YTHDC2: variants seen among roughly 807,000 people sequenced by gnomAD.
YTHDC2 encodes 3'-5' RNA helicase YTHDC2.
A neutral mutation model predicts 174.9 loss-of-function variants in YTHDC2; 45 were observed. The observed-to-expected ratio is 0.26, with a 90% confidence interval of 0.20 to 0.33. The LOEUF (loss-of-function observed/expected upper bound fraction) is 0.33. Among genes scored for constraint, YTHDC2 ranks in the 10% least tolerant of loss-of-function variants. The pLI, the probability that YTHDC2 is intolerant of heterozygous loss-of-function variation, is 1.00. For missense variants in YTHDC2, 1,650 were observed against 1,723.7 expected (o/e 0.96, Z 0.76); for synonymous variants, 657 against 574.5 (o/e 1.14, Z -2.05).
chr5:113,578,873 T>C (rs537834703), intron 23 of YTHDC2, among the ~76,000 whole-genome samples: 2 of 152,296 alleles, frequency 1.3e-5, no homozygotes, highest in South Asian at 2.1e-4. Flanking sequence ...AATTTTCGTG[T>C]AGAAAATAAT....
chr5:113,539,484 C>T (rs1775303558), intron 8 of YTHDC2, among the ~76,000 whole-genome samples: 1 of 152,118 alleles, frequency 6.6e-6, no homozygotes, highest in African/African-American at 2.4e-5. Context: ...CACAGCATAT[C>T]TCATAGGGAA....
At chr5:113,562,713 C>T (rs141341181) in intron 18 of YTHDC2, among the ~76,000 whole-genome samples, 43 of 152,216 alleles carry the variant, frequency 2.8e-4, no homozygotes, top group African/African-American at 1.0e-3. Flanking sequence ...TATATAGTTA[C>T]TCCTACTCAA....
chr5:113,524,903 T>C, intron 2 of YTHDC2, 78 bp from the exon 3 acceptor site: 1 of 1,072,306 alleles, frequency 9.3e-7, no homozygotes, highest in Middle Eastern at 3.1e-4. Flanking sequence ...GCTTGAGACA[T>C]ATTTTCTAAG....
At chr5:113,545,619 C>G (rs1449026028) in intron 10 of YTHDC2, among the ~76,000 whole-genome samples, 1 of 151,926 alleles carries the variant, frequency 6.6e-6, no homozygotes, top group African/African-American at 2.4e-5. Context: ...CTTTGAACTT[C>G]TGGGCTCAAG....
intron 10 of YTHDC2, among the ~76,000 whole-genome samples, chr5:113,547,962 T>C (rs569287540): frequency 6.6e-5 from 10 of 152,288 alleles, no homozygotes; most frequent in Non-Finnish European, 8.8e-5. Context: ...GAAACTTCAA[T>C]AGAACTTTAA....
Position 113,534,320 on chromosome 5 carries a change from A to G in YTHDC2, c.858A>G (p.Thr286=). ...IRLESRVSPK[T]LLTFCTNGVL... ...TTTTTAAAAGGGTTTCTCCAAAGAC[A>G]CTTCTGACATTTTGTACTAATGGGG... Residue 286 remains threonine (T), a synonymous_variant, in exon 6 of 30, where the codon ACA becomes ACG. Transcript: ENST00000161863. 1 of 1,612,386 alleles carries G rather than the reference A, an allele frequency of 6.2e-7. No individual in the cohort carries two copies.
intron 23 of YTHDC2, among the ~76,000 whole-genome samples, chr5:113,579,360 T>C (rs560805730): frequency 1.3e-5 from 2 of 152,280 alleles, no homozygotes; most frequent in Admixed American, 6.5e-5. Flanking sequence ...TCTTTTTTAT[T>C]TTGTTGCATT....
At chr5:113,516,287 C>A (rs940410954) in intron 2 of YTHDC2, among the ~76,000 whole-genome samples, 1 of 152,064 alleles carries the variant, frequency 6.6e-6, no homozygotes. Flanking sequence ...TGTTTTCTTT[C>A]CTACCAAGTC....
At chr5:113,566,991 A>T (rs1210829172) in intron 21 of YTHDC2, 101 bp from the exon 22 acceptor site, 3 of 1,283,292 alleles carry the variant, frequency 2.3e-6, no homozygotes, top group Non-Finnish European at 3.2e-6. Flanking sequence ...GTGAAATTTG[A>T]ATATCACAAA....
At position 113,592,128 on chromosome 5, in the gene YTHDC2, C is replaced by T. The variant is rs778545902; in HGVS notation, c.4162C>T (p.Leu1388Phe). Residue 1388 changes from leucine (L) to phenylalanine (F), a missense_variant, in exon 28 of 30, where the codon CTC (leucine) becomes TTC (phenylalanine). Physicochemically the swap from Leu to Phe is conservative, Grantham distance 22. This residue lies in a region of YTHDC2 where 913 missense variants were observed against 940.4 expected (regional missense o/e 0.97). Coordinates refer to ENST00000161863, the MANE Select transcript of YTHDC2 (RefSeq NM_022828.5). ...TCCCTTTCAATTTGCACACCATTTA[C>T]TCAATCCATGGAATGACAACAAGAA... ...SLPFQFAHHLLNPWNDNKKVQ... is the reference protein window; with the variant it reads ...SLPFQFAHHLFNPWNDNKKVQ... 6.2e-7 allele frequency: 1 copy of T among 1,613,020 alleles called. No homozygotes were observed. Among genetic ancestry groups the T allele is most frequent in the Admixed American group, 1.7e-5 (1 of 59,886 alleles).
chr5:113,534,492 A>G, intron 6 of YTHDC2, 85 bp downstream of exon 6: 2 of 1,166,182 alleles, frequency 1.7e-6, no homozygotes, highest in Non-Finnish European at 2.5e-6. Flanking sequence ...GTCTCAAAAA[A>G]TTTAAATACA....
In YTHDC2 at chr5:113,515,282, T is replaced by G; in HGVS notation, c.198T>G (p.Phe66Leu). Reference sequence around the variant, plus strand: ...TTTTTTTCCGTGTAGAAATGGAATTTCCTTCTTCTTTGACCAGTACTGAAA... The same window carrying G: ...TTTTTTTCCGTGTAGAAATGGAATTGCCTTCTTCTTTGACCAGTACTGAAA... ...FRYGDQREME[F>L]PSSLTSTERA... The change falls in exon 2 of 30, where the codon TTT becomes TTG. Residue 66 changes from phenylalanine to leucine, a missense_variant. Physicochemically the swap from Phe to Leu is conservative, Grantham distance 22. Transcript: ENST00000161863. 6.2e-7 allele frequency: 1 copy of G among 1,604,906 alleles called. No individual in the cohort carries two copies. The highest frequency in any genetic ancestry group is 8.5e-7 in the Non-Finnish European group (1 of 1,177,460).
intron 20 of YTHDC2, among the ~76,000 whole-genome samples, chr5:113,565,546 C>T (rs1157134325): frequency 2.0e-5 from 3 of 152,096 alleles, no homozygotes; most frequent in Non-Finnish European, 4.4e-5. Flanking sequence ...AAGAGTGGCA[C>T]GATTCTTAGA....
In YTHDC2 at chr5:113,563,845, C is replaced by T. The variant is rs1561679047; in HGVS notation, c.2443-14C>T. On this transcript the variant is annotated splice_polypyrimidine_tract_variant and intron_variant, in intron 19 of 29. Coordinates refer to ENST00000161863, the MANE Select transcript of YTHDC2 (RefSeq NM_022828.5). ...TTGCTCACATCAAAGTCTGTTCTGTCTCCTTTTACTTAGACAATAGATGCA... is the reference window on the plus strand; with the variant it reads ...TTGCTCACATCAAAGTCTGTTCTGTTTCCTTTTACTTAGACAATAGATGCA... 1 of 1,613,702 alleles carries T rather than the reference C, an allele frequency of 6.2e-7. No homozygotes were observed. Among genetic ancestry groups the T allele is most frequent in the Non-Finnish European group, 8.5e-7 (1 of 1,179,806 alleles).
At chr5:113,538,288 G>C (rs894526883) in intron 7 of YTHDC2, among the ~76,000 whole-genome samples, 2 of 152,134 alleles carry the variant, frequency 1.3e-5, no homozygotes, top group African/African-American at 4.8e-5. Flanking sequence ...TGCAGTCAGA[G>C]TGGTCTTCTT....
chr5:113,558,073 A>G (rs916391700), intron 17 of YTHDC2, among the ~76,000 whole-genome samples: 6 of 152,196 alleles, frequency 3.9e-5, no homozygotes, highest in African/African-American at 1.2e-4. Context: ...ATCTGAGACA[A>G]TTGTGAATAA....
At position 113,567,715 on chromosome 5, in the gene YTHDC2, A is replaced by G; in HGVS notation, c.3110A>G (p.Tyr1037Cys). Reference protein sequence around the residue: ...IKALPTDWLIYDEMTRAHRIA... With the variant: ...IKALPTDWLICDEMTRAHRIA... ...GCACTGCCCACAGATTGGCTTATTTATGATGAAATGACCAGAGCCCATAGA... is the reference window on the plus strand; with the variant it reads ...GCACTGCCCACAGATTGGCTTATTTGTGATGAAATGACCAGAGCCCATAGA... Residue 1037 changes from tyrosine to cysteine, a missense_variant, in exon 23 of 30, where the codon TAT becomes TGT. By Grantham distance (194) the Tyr-to-Cys change is radical (BLOSUM62 -2). This residue lies in a region of YTHDC2 where 913 missense variants were observed against 940.4 expected (regional missense o/e 0.97). Coordinates refer to ENST00000161863, the MANE Select transcript of YTHDC2 (RefSeq NM_022828.5). The G allele has an allele frequency of 6.2e-7, 1 of 1,611,038 alleles. No homozygotes were observed. The highest frequency in any genetic ancestry group is 8.5e-7 in the Non-Finnish European group (1 of 1,178,674).
chr5:113,547,646 A>C (rs551118426), intron 10 of YTHDC2, among the ~76,000 whole-genome samples: 1 of 152,270 alleles, frequency 6.6e-6, no homozygotes, highest in East Asian at 1.9e-4. Context: ...CTGTGAATCT[A>C]AAACTTGTTC....
intron 1 of YTHDC2, chr5:113,514,285 G>A: frequency 1.4e-6 from 1 of 717,114 alleles, no homozygotes. Context: ...GGTGCTCTGC[G>A]GATCAATGGG....
Sources: gnomAD v4.1 joint callset for allele counts (sites outside exome capture counted in the v4.1 genomes callset) on GRCh38, gnomAD v4.1.1 for gene constraint, gnomAD v4.1.1 regional missense constraint, MANE v1.5 for transcripts, NCBI Gene and HGNC (gene_info 2026-07-23, HGNC 2026-07-21) for gene names.